Variants in HLA-G observed in about 807,000 individuals in gnomAD.
HLA-G encodes HLA class I histocompatibility antigen, alpha chain G.
Under a neutral mutation model 39.3 loss-of-function variants are expected in HLA-G, and 34 were observed. The ratio of observed to expected loss-of-function variants is 0.86; its 90% CI spans 0.66 to 1.15. The LOEUF is 1.15. Among genes scored for constraint, HLA-G ranks in the 50% most tolerant of loss-of-function variants. The pLI is 0.00. For missense variants in HLA-G, 419 were observed against 456.4 expected, an observed-to-expected ratio of 0.92 and a Z score of 0.75; for synonymous variants, 183 against 185.8, an observed-to-expected ratio of 0.99 and a Z score of 0.12.
chr6:29,828,877 C>A, intron 3 of HLA-G, 59 bp downstream of exon 3: 1 of 1,609,514 alleles, frequency 6.2e-7, no homozygotes, highest in East Asian at 2.2e-5. Flanking sequence ...CCTGGCCTAG[C>A]ACAAGGAGAG....
At position 29,828,285 on chromosome 6, in the gene HLA-G, C is replaced by T; in HGVS notation, c.312C>T (p.Thr104=). ...AGACTGACAGAATGAACCTGCAGACCCTGCGCGGCTACTACAACCAGAGCG... is the reference window on the plus strand; with the variant it reads ...AGACTGACAGAATGAACCTGCAGACTCTGCGCGGCTACTACAACCAGAGCG... ...HAQTDRMNLQ[T]LRGYYNQSEA... is the part of the protein sequence containing the mutation. Residue 104 remains threonine (T), a synonymous_variant, in exon 2 of 7, where the codon ACC becomes ACT. Coordinates refer to ENST00000360323, the MANE Select transcript of HLA-G (RefSeq NM_001384290.1). 6.2e-7 allele frequency: 1 copy of T among 1,613,412 alleles called. No homozygotes were observed. Among genetic ancestry groups the T allele is most frequent in the East Asian group, 2.2e-5 (1 of 44,870 alleles).
In HLA-G at chr6:29,829,927, G is replaced by C. The variant is rs556746961; in HGVS notation, c.1007G>C (p.Ser336Thr). The C allele has an allele frequency of 1.5e-4, 240 of 1,608,098 alleles. No homozygotes were observed. The highest frequency in any genetic ancestry group is 3.3e-4 in the Middle Eastern group (2 of 6,048). The change falls in exon 5 of 7, where the codon AGC becomes ACC. Residue 336 changes from serine to threonine, a missense_variant. Ser to Thr is a moderately conservative substitution (Grantham distance 58). Around this residue, in one of 2 missense-constraint regions of HLA-G, gnomAD observed 328 missense variants for 323.0 expected, o/e 1.02. Coordinates refer to ENST00000360323, the MANE Select transcript of HLA-G (RefSeq NM_001384290.1). ...AVAAVLWRKK[S>T]SD ...GCTGCTGTGCTGTGGAGAAAGAAGA[G>C]CTCAGGTAAGGAAGGGGTGACAAGT...
intron 2 of HLA-G, 35 bp downstream of exon 2, chr6:29,828,351 C>T: frequency 1.3e-6 from 2 of 1,590,416 alleles, no homozygotes; most frequent in Non-Finnish European, 1.7e-6. Context: ...AGATCACGAC[C>T]CCCACCTCCA....
chr6:29,829,769 G>A (rs769588222), intron 4 of HLA-G, 47 bp from the exon 5 acceptor site: 3 of 1,602,808 alleles, frequency 1.9e-6, no homozygotes, highest in East Asian at 4.5e-5. Context: ...CAGGGTCGGT[G>A]GTGAGGGCTG....
At chr6:29,827,544 C>T (rs1325581519), upstream of HLA-G, 3 of 422,372 alleles carry the variant, frequency 7.1e-6, no homozygotes, top group Non-Finnish European at 1.3e-5. Context: ...CAGGGAGACA[C>T]TGAGACAGAA....
rs771941668 is a variant in HLA-G, at chr6:29,830,255, C to T, written c.1013-123C>T. 26 of 1,105,546 alleles carry T rather than the reference C, an allele frequency of 2.4e-5. 1 individual carries two copies. Among genetic ancestry groups the T allele is most frequent in the East Asian group, 4.7e-5 (2 of 42,406 alleles). The allele number at this position is 1,105,546 out of a possible 1,614,324, so 68.5% of individuals were successfully genotyped here. ...CTGCTTTCCTTGTTTTTCCTGATCC[C>T]GCCCTGGGTCTGCAGTCACACATTT... is the stretch of plus-strand genomic sequence containing the variant. On this transcript the variant is annotated intron_variant, in intron 5 of 6. Coordinates refer to ENST00000360323, the MANE Select transcript of HLA-G (RefSeq NM_001384290.1).
intron 5 of HLA-G, 26 bp downstream of exon 5, chr6:29,829,958 C>A (rs1307849437): frequency 6.6e-7 from 1 of 1,524,828 alleles, no homozygotes; most frequent in African/African-American, 1.4e-5. Context: ...CAAGTGGGGT[C>A]TGAGTTTTCT....
At chr6:29,828,486 TG>T in intron 2 of HLA-G, 56 bp from the exon 3 acceptor site, 1 of 1,580,530 alleles carries the variant, frequency 6.3e-7, no homozygotes, top group Non-Finnish European at 8.6e-7. Context: ...TCCCCGCGGG[TG>T]GGTCCGGGCG....
At chr6:29,828,483 G>A (rs1178019273) in intron 2 of HLA-G, 60 bp from the exon 3 acceptor site, 2 of 1,580,026 alleles carry the variant, frequency 1.3e-6, no homozygotes, top group South Asian at 1.2e-5. Context: ...AAATCCCCGC[G>A]GGTGGGTCCG....
intron 6 of HLA-G, 89 bp downstream of exon 6, chr6:29,830,499 T>A (rs1260763766): frequency 3.6e-5 from 40 of 1,097,046 alleles, no homozygotes; most frequent in Non-Finnish European, 5.4e-5. Context: ...CAATTCCTCC[T>A]CTGGCCACAT....
At position 29,828,325 on chromosome 6, in the gene HLA-G, C is replaced by T; in HGVS notation, c.343+9C>T. ...CAACCAGAGCGAGGCCAGTGAGTAA[C>T]TCCGGCCCAGGGAGCAGATCACGAC... On this transcript the variant is annotated intron_variant, in intron 2 of 6. Transcript: ENST00000360323. 1 of 1,604,876 alleles carries T rather than the reference C, an allele frequency of 6.2e-7. No individual in the cohort carries two copies. Among genetic ancestry groups the T allele is most frequent in the Non-Finnish European group, 8.5e-7 (1 of 1,176,356 alleles).
chr6:29,828,879 C>T, intron 3 of HLA-G, 61 bp downstream of exon 3: 1 of 1,608,200 alleles, frequency 6.2e-7, no homozygotes, highest in Non-Finnish European at 8.5e-7. Context: ...TGGCCTAGCA[C>T]AAGGAGAGGA....
rs768731691 is a variant in HLA-G, at chr6:29,829,897, C to T, written c.977C>T (p.Ala326Val). 6.8e-6 allele frequency: 11 copies of T among 1,613,520 alleles called. No individual in the cohort carries two copies. In the African/African-American group the frequency reaches 8.0e-5, roughly 12 times the overall value. Reference sequence around the variant, plus strand: ...CTTGCAGCTGTAGTCACTGGAGCTGCGGTCGCTGCTGTGCTGTGGAGAAAG... The same window carrying T: ...CTTGCAGCTGTAGTCACTGGAGCTGTGGTCGCTGCTGTGCTGTGGAGAAAG... ...VVLAAVVTGA[A>V]VAAVLWRKKS... Residue 326 changes from alanine (A) to valine (V), a missense_variant, in exon 5 of 7, where the codon GCG becomes GTG. By Grantham distance (64) the Ala-to-Val change is moderately conservative. Coordinates refer to ENST00000360323, the MANE Select transcript of HLA-G (RefSeq NM_001384290.1).
chr6:29,827,955 G>A (rs761108273), intron 1 of HLA-G, 38 bp downstream of exon 1: 16 of 1,592,950 alleles, frequency 1.0e-5, no homozygotes, highest in Admixed American at 1.7e-5. Flanking sequence ...CCCCTGCGCG[G>A]AGGAGGGAGG....
chr6:29,827,445 G>A (rs17875395), upstream of HLA-G: 15,387 of 355,054 alleles, frequency 0.043, 505 homozygotes, highest in Middle Eastern at 0.096. Context: ...TCAGGGACAG[G>A]GATTCCGGGA....
intron 1 of HLA-G, 43 bp from the exon 2 acceptor site, chr6:29,828,004 C>G: frequency 6.3e-7 from 1 of 1,576,184 alleles, no homozygotes; most frequent in South Asian, 1.2e-5. Flanking sequence ...GCAGCCGCGC[C>G]GGGAGGAGGG....
chr6:29,828,465 CT>C, intron 2 of HLA-G, 77 bp from the exon 3 acceptor site: 3 of 1,567,272 alleles, frequency 1.9e-6, no homozygotes, highest in Non-Finnish European at 2.6e-6. Flanking sequence ...CCCAAGGCGC[CT>C]TTACCAAAAT....
At chr6:29,827,738 A>T, upstream of HLA-G, 1 of 1,143,216 alleles carries the variant, frequency 8.7e-7, no homozygotes, top group Non-Finnish European at 1.3e-6. Flanking sequence ...CCCAGTTCTC[A>T]CTCCCATTAG....
At chr6:29,828,002 G>A in intron 1 of HLA-G, 45 bp from the exon 2 acceptor site, 2 of 1,598,236 alleles carry the variant, frequency 1.3e-6, no homozygotes, top group East Asian at 2.2e-5. Flanking sequence ...CGGCAGCCGC[G>A]CCGGGAGGAG....
Sources: gnomAD v4.1 joint callset for allele counts on GRCh38, gnomAD v4.1.1 for gene constraint, gnomAD v4.1.1 regional missense constraint, MANE v1.5 for transcripts, NCBI Gene and HGNC (gene_info 2026-07-23, HGNC 2026-07-21) for gene names.